The following TAF1L variants were observed in gnomAD, a reference collection of about 807,000 sequenced individuals.
TAF1L encodes TATA-box binding protein associated factor 1 like.
In TAF1L, 30 loss-of-function variants were observed where a neutral mutation model predicts 128.8. The observed-to-expected ratio is 0.23, with a 90% CI of 0.17 to 0.32. TAF1L has a LOEUF of 0.32. TAF1L is among the 10% of genes least tolerant of loss of function. The pLI, the probability that TAF1L is intolerant of heterozygous loss-of-function variation, is 1.00. For missense variants in TAF1L, 2,099 were observed against 2,253.7 expected (o/e 0.93, Z 1.39); for synonymous variants, 764 against 790.7 (o/e 0.97, Z 0.57).
rs146968712 is a variant in TAF1L, at chr9:32,635,095, G to A, written c.485C>T (p.Pro162Leu). The change falls in exon 1 of 1, where the codon CCG (proline) becomes CTG (leucine). Residue 162 changes from proline to leucine, a missense_variant. This residue lies in a region of TAF1L where 473 missense variants were observed against 429.6 expected (regional missense o/e 1.10). Transcript: ENST00000242310. ...CKLMPPPPPP[P>L]GPMKKDKDQD... ...GTCCTTATCCTTCTTCATTGGTCCCGGGGGTGGAGGTGGAGGAGGCATCAA... is the reference window on the plus strand; with the variant it reads ...GTCCTTATCCTTCTTCATTGGTCCCAGGGGTGGAGGTGGAGGAGGCATCAA... 1.9e-4 allele frequency: 306 copies of A among 1,613,976 alleles called. No homozygotes were observed. Among genetic ancestry groups the A allele is most frequent in the Non-Finnish European group, 2.4e-4 (287 of 1,180,038 alleles).
In TAF1L at chr9:32,632,176, T is replaced by C. The variant is rs778956107; in HGVS notation, c.3404A>G (p.Gln1135Arg). ...CTGCTCCTCCCATTCACGTGACAGC[T>C]GAGAGCTGGTTTTCTTGTTCTGCAA... ...NMLQNKKTSS[Q>R]LSREWEEQER... Residue 1135 changes from glutamine to arginine, a missense_variant, in exon 1 of 1, where the codon CAG becomes CGG. By Grantham distance (43) the Gln-to-Arg change is conservative (BLOSUM62 1). Around this residue, in one of 4 missense-constraint regions of TAF1L, gnomAD observed 1,213 missense variants for 1,391.4 expected, o/e 0.87. Transcript: ENST00000242310. This position sits in a 1 kb window ranked among gnomAD's most constrained non-coding sequence, Gnocchi z 4.4. The C allele has an allele frequency of 2.5e-6, 4 of 1,614,244 alleles. No individual in the cohort carries two copies. The East Asian group carries it at 8.9e-5, about 36-fold the overall frequency.
In TAF1L at chr9:32,632,587, T is replaced by C; in HGVS notation, c.2993A>G (p.Lys998Arg). 1 of 1,614,240 alleles carries C rather than the reference T, an allele frequency of 6.2e-7. No homozygotes were observed. Among genetic ancestry groups the C allele is most frequent in the East Asian group, 2.2e-5 (1 of 44,880 alleles). The change falls in exon 1 of 1, where the codon AAA (lysine) becomes AGA (arginine). Residue 998 changes from lysine (K) to arginine (R), a missense_variant. Lys to Arg is a conservative substitution (Grantham distance 26, BLOSUM62 2). Transcript: ENST00000242310. The surrounding 1 kb of genome is among the most constrained non-coding windows in gnomAD (Gnocchi z 4.4). ...TGTCTTCTTCACTGCCTGTGGCTCTTTATCATCCTTCTGCTGTGTTGGTTT... is the reference window on the plus strand; with the variant it reads ...TGTCTTCTTCACTGCCTGTGGCTCTCTATCATCCTTCTGCTGTGTTGGTTT... ...PNKPTQQKDD[K>R]EPQAVKKTVT...
In TAF1L at chr9:32,631,290, T is replaced by G; in HGVS notation, c.4290A>C (p.Ala1430=). Residue 1430 remains alanine (A), a synonymous_variant, in exon 1 of 1, where the codon GCA becomes GCC. Coordinates refer to ENST00000242310, the MANE Select transcript of TAF1L (RefSeq NM_153809.2). The surrounding 1 kb of genome is among the most constrained non-coding windows in gnomAD (Gnocchi z 4.1). ...NTHPFHTPVN[A]KVVKDYYKII... is the part of the protein sequence containing the mutation. ...TTTTGTAGTAGTCCTTTACAACCTT[T>G]GCATTGACTGGAGTGTGGAAAGGGT... 3 of 1,614,186 alleles carry G rather than the reference T, an allele frequency of 1.9e-6. No homozygotes were observed. Among genetic ancestry groups the G allele is most frequent in the Non-Finnish European group, 2.5e-6 (3 of 1,180,026 alleles).
Position 32,633,858 on chromosome 9 carries a change from G to A in TAF1L, c.1722C>T (p.Asn574=). The change falls in exon 1 of 1, where the codon AAC becomes AAT. Residue 574 remains asparagine (N), a synonymous_variant. Coordinates refer to ENST00000242310, the MANE Select transcript of TAF1L (RefSeq NM_153809.2). ...GATCTTTCACTTCTGGCTGAGACAT[G>A]TTCTGCTGTGGTTCCTCCCTGATGA... ...TGVIREEPQQ[N]MSQPEVKDPW... 3.7e-6 allele frequency: 6 copies of A among 1,614,210 alleles called. No homozygotes were observed. Among genetic ancestry groups the A allele is most frequent in the Non-Finnish European group, 5.1e-6 (6 of 1,180,044 alleles).
chr9:32,631,256 G>A lies in TAF1L; in HGVS notation c.4324C>T (p.Arg1442Trp), dbSNP rs773657347. The change falls in exon 1 of 1, where the codon CGG becomes TGG. Residue 1442 changes from arginine to tryptophan, a missense_variant. Arg to Trp is a moderately radical substitution (Grantham distance 101). Around this residue, in one of 4 missense-constraint regions of TAF1L, gnomAD observed 1,213 missense variants for 1,391.4 expected, o/e 0.87. Coordinates refer to ENST00000242310, the MANE Select transcript of TAF1L (RefSeq NM_153809.2). This position sits in a 1 kb window ranked among gnomAD's most constrained non-coding sequence, Gnocchi z 4.1. ...CGGAGTGTTTGTAGGTCCATTGGCC[G>A]AGTGATGATTTTGTAGTAGTCCTTT... is the stretch of plus-strand genomic sequence containing the variant. ...VVKDYYKIIT[R>W]PMDLQTLREN... 7.4e-6 allele frequency: 12 copies of A among 1,614,008 alleles called. No individual in the cohort carries two copies. Among genetic ancestry groups the A allele is most frequent in the East Asian group, 4.5e-5 (2 of 44,888 alleles).
In TAF1L at chr9:32,632,070, A is replaced by G. The variant is rs112307087; in HGVS notation, c.3510T>C (p.Ala1170=). The part of the protein sequence containing the change: ...SGNNHRDDVT[A]SMTSLKSSAT... ...CAGAAGACTTAAGGCTAGTCATGGAAGCTGTGACATCATCTCTGTGATTGT... is the reference window on the plus strand; with the variant it reads ...CAGAAGACTTAAGGCTAGTCATGGAGGCTGTGACATCATCTCTGTGATTGT... The change falls in exon 1 of 1, where the codon GCT becomes GCC. Residue 1170 remains alanine, a synonymous_variant. Transcript: ENST00000242310. This position sits in a 1 kb window ranked among gnomAD's most constrained non-coding sequence, Gnocchi z 4.4. 275 of 1,614,154 alleles carry G rather than the reference A, an allele frequency of 1.7e-4. No individual in the cohort carries two copies. The African/African-American group carries it at 3.4e-3, about 20-fold the overall frequency.
rs1221562320 is a variant in TAF1L at position 32,631,934 on chromosome 9, T to C, written c.3646A>G (p.Ile1216Val). 6.2e-6 allele frequency: 10 copies of C among 1,614,118 alleles called. No homozygotes were observed. Among genetic ancestry groups the C allele is most frequent in the Admixed American group, 3.3e-5 (2 of 60,000 alleles). ...KPAVIDAYVR[I>V]RTTKDEKFIQ... Reference sequence around the variant, plus strand: ...AATTTCTCATCTTTTGTAGTCCGTATGCGCACATAGGCATCAATGACAGCT... The same window carrying C: ...AATTTCTCATCTTTTGTAGTCCGTACGCGCACATAGGCATCAATGACAGCT... Residue 1216 changes from isoleucine to valine, a missense_variant, in exon 1 of 1, where the codon ATA (isoleucine) becomes GTA (valine). Physicochemically the swap from Ile to Val is conservative, Grantham distance 29. Transcript: ENST00000242310. The surrounding 1 kb of genome is among the most constrained non-coding windows in gnomAD (Gnocchi z 4.1).
At position 32,632,107 on chromosome 9, in the gene TAF1L, G is replaced by C; in HGVS notation, c.3473C>G (p.Ala1158Gly). 6.2e-7 allele frequency: 1 copy of C among 1,614,162 alleles called. No individual in the cohort carries two copies. Among genetic ancestry groups the C allele is most frequent in the Non-Finnish European group, 8.5e-7 (1 of 1,180,036 alleles). ...ATCTCTGTGATTGTTTCCTGATGCT[G>C]CTGAGCCTGCTACCAGTAGCATTCG... ...LRRMLLVAGS[A>G]ASGNNHRDDV... The change falls in exon 1 of 1, where the codon GCA becomes GGA. Residue 1158 changes from alanine to glycine, a missense_variant. Ala to Gly is a moderately conservative substitution (Grantham distance 60). Coordinates refer to ENST00000242310, the MANE Select transcript of TAF1L (RefSeq NM_153809.2). This position sits in a 1 kb window ranked among gnomAD's most constrained non-coding sequence, Gnocchi z 4.4.
At position 32,635,639 on chromosome 9, in the gene TAF1L, A is replaced by C; in HGVS notation, c.-60T>G. 4 of 1,273,552 alleles carry C rather than the reference A, an allele frequency of 3.1e-6. No individual in the cohort carries two copies. The South Asian group carries it at 4.1e-5, about 13-fold the overall frequency. 78.9% of individuals were successfully genotyped at this position (1,273,552 alleles called of 1,614,324 possible). On this transcript the variant is annotated 5_prime_UTR_variant, in exon 1 of 1. Coordinates refer to ENST00000242310, the MANE Select transcript of TAF1L (RefSeq NM_153809.2). ...ATCTACTTAGCTCCCTTACCCTACC[A>C]GCGTCTACCGGAAGCTGAATAAAGG...
rs370126164 is a variant in TAF1L at position 32,632,649 on chromosome 9, C to T, written c.2931G>A (p.Gly977=). 2 of 1,614,218 alleles carry T rather than the reference C, an allele frequency of 1.2e-6. No homozygotes were observed. The highest frequency in any genetic ancestry group is 2.2e-5 in the East Asian group (1 of 44,878). The change falls in exon 1 of 1, where the codon GGG becomes GGA. Residue 977 remains glycine (G), a synonymous_variant. Coordinates refer to ENST00000242310, the MANE Select transcript of TAF1L (RefSeq NM_153809.2). This position sits in a 1 kb window ranked among gnomAD's most constrained non-coding sequence, Gnocchi z 4.4. ...TCACATAGGAGAATCCTTCACCACA[C>T]CCTGTGGGATCTGCCACCCCAGTCA... is the stretch of plus-strand genomic sequence containing the variant. ...LEVTGVADPT[G]CGEGFSYVKI...
In TAF1L at chr9:32,630,300, C is replaced by T. The variant is rs775717901; in HGVS notation, c.5280G>A (p.Leu1760=). 4 of 1,614,192 alleles carry T rather than the reference C, an allele frequency of 2.5e-6. No individual in the cohort carries two copies. The highest frequency in any genetic ancestry group is 3.4e-6 in the Non-Finnish European group (4 of 1,180,044). The change falls in exon 1 of 1, where the codon CTG becomes CTA. Residue 1760 remains leucine (L), a synonymous_variant. Transcript: ENST00000242310. ...CTTCAGATATAAGCAAATCCTCATA[C>T]AGGACACTGGCTTCAGGTTGTTGTA... ...GTVQQPEASV[L]YEDLLISEGE...
rs780602390 is a variant in TAF1L at position 32,630,453 on chromosome 9, A to G, written c.5127T>C (p.Gly1709=). Residue 1709 remains glycine (G), a synonymous_variant, in exon 1 of 1, where the codon GGT becomes GGC. Transcript: ENST00000242310. ...TPEKQMCQGQ[G]RLGEEDSDVD... is the part of the protein sequence containing the mutation. The stretch of plus-strand genomic sequence containing the variant: ...CATCAGAGTCTTCCTCACCCAGCCT[A>G]CCTTGGCCCTGGCACATCTGTTTTT... The G allele has an allele frequency of 1.2e-6, 2 of 1,614,056 alleles. No homozygotes were observed. Among genetic ancestry groups the G allele is most frequent in the Non-Finnish European group, 8.5e-7 (1 of 1,180,002 alleles).
Position 32,630,178 on chromosome 9 carries a change from C to T in TAF1L, c.5402G>A (p.Gly1801Glu), listed in dbSNP as rs1379633322. The T allele has an allele frequency of 6.2e-7, 1 of 1,614,208 alleles. No individual in the cohort carries two copies. Among genetic ancestry groups the T allele is most frequent in the Non-Finnish European group, 8.5e-7 (1 of 1,180,044 alleles). The change falls in exon 1 of 1, where the codon GGA (glycine) becomes GAA (glutamate). Residue 1801 changes from glycine to glutamate, a missense_variant. Around this residue, in one of 4 missense-constraint regions of TAF1L, gnomAD observed 404 missense variants for 406.5 expected, o/e 0.99. Transcript: ENST00000242310. The part of the protein sequence containing the change: ...LSESGSDSDV[G>E]YGGIRPKQPF... ...TTGTTTGGGTCTTATTCCACCATAT[C>T]CCACATCAGAGTCACTTCCACTTTC...
Position 32,630,185 on chromosome 9 carries a change from C to G in TAF1L, c.5395G>C (p.Asp1799His). The G allele has an allele frequency of 6.2e-7, 1 of 1,614,232 alleles. No homozygotes were observed. The highest frequency in any genetic ancestry group is 8.5e-7 in the Non-Finnish European group (1 of 1,180,046). The change falls in exon 1 of 1, where the codon GAT becomes CAT. Residue 1799 changes from aspartate to histidine, a missense_variant. By Grantham distance (81) the Asp-to-His change is moderately conservative (BLOSUM62 -1). This residue lies in a region of TAF1L where 404 missense variants were observed against 406.5 expected (regional missense o/e 0.99). Transcript: ENST00000242310. Reference protein sequence around the residue: ...IQLSESGSDSDVGYGGIRPKQ... With the variant: ...IQLSESGSDSHVGYGGIRPKQ... The stretch of plus-strand genomic sequence containing the variant: ...GGTCTTATTCCACCATATCCCACAT[C>G]AGAGTCACTTCCACTTTCACTCAGC...
rs369674751 is a variant in TAF1L at position 32,634,348 on chromosome 9, T to C, written c.1232A>G (p.Asn411Ser). ...TTCGTCAGCCAGAAGATCAGTGCCA[T>C]TGCTTTCCTCAAGTTTCCTAAATTC... ...MEEFRKLEES[N>S]GTDLLADENF... Residue 411 changes from asparagine (N) to serine (S), a missense_variant, in exon 1 of 1, where the codon AAT (asparagine) becomes AGT (serine). Asn to Ser is a conservative substitution (Grantham distance 46). This residue lies in a region of TAF1L where 1,213 missense variants were observed against 1,391.4 expected (regional missense o/e 0.87). Transcript: ENST00000242310. 1.9e-5 allele frequency: 31 copies of C among 1,614,086 alleles called. No homozygotes were observed. The highest frequency in any genetic ancestry group is 6.7e-5 in the East Asian group (3 of 44,892).
chr9:32,635,416 C>T lies in TAF1L; in HGVS notation c.164G>A (p.Ser55Asn), dbSNP rs750379296. 2 of 1,614,182 alleles carry T rather than the reference C, an allele frequency of 1.2e-6. No homozygotes were observed. The highest frequency in any genetic ancestry group is 1.7e-5 in the Admixed American group (1 of 60,016). The part of the protein sequence containing the change: ...ISGAGQLEGE[S>N]VLDDECKKHL... ...CTTCTTACACTCATCATCCAAGACG[C>T]TTTCCCCCTCCAGCTGCCCCGCTCC... The change falls in exon 1 of 1, where the codon AGC (serine) becomes AAC (asparagine). Residue 55 changes from serine to asparagine, a missense_variant. Around this residue, in one of 4 missense-constraint regions of TAF1L, gnomAD observed 473 missense variants for 429.6 expected, o/e 1.10. Coordinates refer to ENST00000242310, the MANE Select transcript of TAF1L (RefSeq NM_153809.2).
chr9:32,632,471 T>G lies in TAF1L; in HGVS notation c.3109A>C (p.Lys1037Gln), dbSNP rs1160881836. ...ATCACTTCCCAGCGGGACAACTTTT[T>G]AATCTCTTCCTCAGGCACACCAAAT... ...RKFGVPEEEI[K>Q]KLSRWEVIDV... Residue 1037 changes from lysine to glutamine, a missense_variant, in exon 1 of 1, where the codon AAA becomes CAA. Coordinates refer to ENST00000242310, the MANE Select transcript of TAF1L (RefSeq NM_153809.2). This position sits in a 1 kb window ranked among gnomAD's most constrained non-coding sequence, Gnocchi z 4.4. 5 of 1,614,254 alleles carry G rather than the reference T, an allele frequency of 3.1e-6. No homozygotes were observed. In the East Asian group the frequency reaches 1.1e-4, roughly 36 times the overall value.
rs1157323543 is a variant in TAF1L at position 32,629,961 on chromosome 9, T to C, written c.*138A>G. On this transcript the variant is annotated 3_prime_UTR_variant, in exon 1 of 1. Coordinates refer to ENST00000242310, the MANE Select transcript of TAF1L (RefSeq NM_153809.2). Reference sequence around the variant, plus strand: ...GTGAGCCACCATGCCCAGCTGGAAATTTCCGATGCTGCTGAAGCTTGTGTC... The same window carrying C: ...GTGAGCCACCATGCCCAGCTGGAAACTTCCGATGCTGCTGAAGCTTGTGTC... The C allele has an allele frequency of 1.3e-6, 2 of 1,513,224 alleles. No individual in the cohort carries two copies. The highest frequency in any genetic ancestry group is 2.1e-5 in the Admixed American group (1 of 47,196). 93.7% of individuals were successfully genotyped at this position (1,513,224 alleles called of 1,614,324 possible). A position where few individuals can be genotyped will look rare whatever the true frequency, so the allele number is the denominator to read the frequency against.
Position 32,634,957 on chromosome 9 carries a change from G to A in TAF1L, c.623C>T (p.Ser208Leu). ...EKVDFSSYSDSESEMGPQEAT... is the reference protein window; with the variant it reads ...EKVDFSSYSDLESEMGPQEAT... ...TTCCTGAGGTCCCATCTCAGATTCT[G>A]AATCAGAGTAACTACTGAAATCCAC... Residue 208 changes from serine (S) to leucine (L), a missense_variant, in exon 1 of 1, where the codon TCA becomes TTA. Ser to Leu is a moderately radical substitution (Grantham distance 145). Transcript: ENST00000242310. 1 of 1,614,124 alleles carries A rather than the reference G, an allele frequency of 6.2e-7. No individual in the cohort carries two copies. Among genetic ancestry groups the A allele is most frequent in the Non-Finnish European group, 8.5e-7 (1 of 1,180,026 alleles).
Sources: allele counts gnomAD v4.1 joint callset, GRCh38; gene constraint gnomAD v4.1.1; regional missense constraint gnomAD v4.1.1; non-coding constraint Gnocchi (gnomAD v3.1); transcripts MANE v1.5; gene names NCBI Gene and HGNC (gene_info 2026-07-23, HGNC 2026-07-21).